The following FBXL13 variants were observed in gnomAD, a reference collection of about 807,000 sequenced individuals.
FBXL13 encodes F-box and leucine-rich repeat protein 13.
Under a neutral mutation model 83.6 loss-of-function variants are expected in FBXL13, and 67 were observed. The observed-to-expected ratio is 0.80, with a 90% CI of 0.66 to 0.98. FBXL13 has a LOEUF of 0.98. Ranked by LOEUF, FBXL13 falls within the 50% of genes least tolerant of loss-of-function variation. FBXL13 has a pLI of 0.00. For synonymous variants in FBXL13, 272 were observed against 299.5 expected, an observed-to-expected ratio of 0.91 and a Z score of 0.95; for missense variants, 822 against 866.5, an observed-to-expected ratio of 0.95 and a Z score of 0.64.
chr7:102,933,986 A>G lies in FBXL13; in HGVS notation c.725-2053T>C, dbSNP rs1350231093. 1 of 1,614,046 alleles carries G rather than the reference A, an allele frequency of 6.2e-7. No individual in the cohort carries two copies. Among genetic ancestry groups the G allele is most frequent in the African/African-American group, 1.3e-5 (1 of 74,936 alleles). Reference sequence around the variant, plus strand: ...TGAGCTGCGCAAAGCAAGCCCAGGCAGTGTGAGAAGCCGAGTGAATCATGG... The same window carrying G: ...TGAGCTGCGCAAAGCAAGCCCAGGCGGTGTGAGAAGCCGAGTGAATCATGG... On this transcript the variant is annotated intron_variant, in intron 8 of 19. Coordinates refer to ENST00000313221, the Ensembl canonical transcript of FBXL13.
At chr7:102,910,542 T>C (rs1814490626) in intron 11 of FBXL13, among the ~76,000 whole-genome samples, 1 of 151,852 alleles carries the variant, frequency 6.6e-6, no homozygotes, top group African/African-American at 2.4e-5. Flanking sequence ...CAACTGTAAA[T>C]AGCCTATGCC....
intron 10 of FBXL13, 39 bp from the exon 12 acceptor site, chr7:102,913,254 C>T: frequency 6.2e-7 from 1 of 1,610,560 alleles, no homozygotes; most frequent in Non-Finnish European, 8.5e-7. Flanking sequence ...TATTATACTT[C>T]CGTTGTTCTC....
chr7:103,049,228 G>C (rs1796577110), intron 2 of FBXL13, among the ~76,000 whole-genome samples: 1 of 152,024 alleles, frequency 6.6e-6, no homozygotes, highest in Non-Finnish European at 1.5e-5. Flanking sequence ...GACTTATTTA[G>C]AATGTAATGT....
At chr7:103,058,558 T>A (rs1797557871) in intron 1 of FBXL13, among the ~76,000 whole-genome samples, 1 of 152,214 alleles carries the variant, frequency 6.6e-6, no homozygotes, top group Non-Finnish European at 1.5e-5. Context: ...TGCCTGGGTC[T>A]CCAGAGTACT....
chr7:102,904,238 T>G (rs1813402608), intron 11 of FBXL13, among the ~76,000 whole-genome samples: 1 of 152,046 alleles, frequency 6.6e-6, no homozygotes, highest in Non-Finnish European at 1.5e-5. Context: ...TGTATGTGTC[T>G]AGGAATTTGT....
chr7:102,899,260 G>C (rs1451471602), intron 11 of FBXL13, among the ~76,000 whole-genome samples: 1 of 152,216 alleles, frequency 6.6e-6, no homozygotes, highest in Non-Finnish European at 1.5e-5. Flanking sequence ...AGAAATTACA[G>C]ACTCAACAGA....
At chr7:102,973,096 G>A (rs2129482478) in intron 6 of FBXL13, 1 of 168,820 alleles carries the variant, frequency 5.9e-6, no homozygotes, top group East Asian at 1.9e-4. Flanking sequence ...GGCACGGAAA[G>A]ACAAATTCTC....
At chr7:103,035,759 A>G (rs138926477) in intron 2 of FBXL13, among the ~76,000 whole-genome samples, 1 of 152,304 alleles carries the variant, frequency 6.6e-6, no homozygotes, top group African/African-American at 2.4e-5. Flanking sequence ...TTGTAATATT[A>G]TTTTTCTTCT....
At chr7:102,998,028 C>T (rs1214758187) in intron 6 of FBXL13, among the ~76,000 whole-genome samples, 1 of 152,176 alleles carries the variant, frequency 6.6e-6, no homozygotes, top group East Asian at 1.9e-4. Context: ...ACATTCCCAC[C>T]AACAGTGTAT....
intron 1 of FBXL13, among the ~76,000 whole-genome samples, chr7:103,062,900 C>T (rs988778101): frequency 6.6e-6 from 1 of 152,198 alleles, no homozygotes; most frequent in African/African-American, 2.4e-5. Context: ...TCAACTAGCA[C>T]GTGGTAGAGA....
intron 10 of FBXL13, among the ~76,000 whole-genome samples, chr7:102,918,622 C>G (rs1816371380): frequency 6.6e-6 from 1 of 152,122 alleles, no homozygotes. Context: ...TTGAGACCAG[C>G]CTGGGGAACA....
At chr7:103,030,642 AAAATAT>A (rs1372377654) in intron 2 of FBXL13, among the ~76,000 whole-genome samples, 1 of 151,736 alleles carries the variant, frequency 6.6e-6, no homozygotes, top group East Asian at 1.9e-4. Context: ...ATATGTCATA[AAAATAT>A]GAGTATATTA....
chr7:102,969,687 A>G (rs1450549726), intron 6 of FBXL13, among the ~76,000 whole-genome samples: 1 of 151,356 alleles, frequency 6.6e-6, no homozygotes, highest in Non-Finnish European at 1.5e-5. Flanking sequence ...AATCCCAGCT[A>G]CTCGGGAGGC....
chr7:103,012,558 G>T (rs1409342047), intron 6 of FBXL13, among the ~76,000 whole-genome samples: 1 of 152,136 alleles, frequency 6.6e-6, no homozygotes, highest in East Asian at 1.9e-4. Flanking sequence ...CAGCCAAGTT[G>T]TTTCCTAAAC....
chr7:102,953,727 G>T (rs934953123), intron 8 of FBXL13, among the ~76,000 whole-genome samples: 1 of 152,150 alleles, frequency 6.6e-6, no homozygotes, highest in Non-Finnish European at 1.5e-5. Flanking sequence ...AGATAAGCAT[G>T]CCTTGCTATT....
At chr7:102,944,751 G>GC in intron 8 of FBXL13, 4 of 720,854 alleles carry the variant, frequency 5.5e-6, no homozygotes, top group South Asian at 2.0e-5. Flanking sequence ...AAGTATTATT[G>GC]TGACTATTAT....
At chr7:102,946,704 T>G (rs1822569826) in intron 8 of FBXL13, among the ~76,000 whole-genome samples, 1 of 151,248 alleles carries the variant, frequency 6.6e-6, no homozygotes, top group Non-Finnish European at 1.5e-5. Context: ...TGAGACAGTC[T>G]CGCTCTGTCA....
intron 18 of FBXL13, among the ~76,000 whole-genome samples, chr7:102,831,859 G>A (rs536821295): frequency 9.2e-5 from 14 of 152,100 alleles, no homozygotes; most frequent in East Asian, 1.9e-4. Context: ...TTCTGGTAGC[G>A]TTTCAAGAGG....
At chr7:102,945,284 A>G (rs1396024388) in intron 8 of FBXL13, among the ~76,000 whole-genome samples, 1 of 152,226 alleles carries the variant, frequency 6.6e-6, no homozygotes, top group Non-Finnish European at 1.5e-5. Context: ...GGTGTGAAGC[A>G]TGAGCCCTGA....
Sources: gnomAD v4.1 joint callset for allele counts (sites outside exome capture counted in the v4.1 genomes callset) on GRCh38, gnomAD v4.1.1 for gene constraint, MANE v1.5 for transcripts, NCBI Gene and HGNC (gene_info 2026-07-23, HGNC 2026-07-21) for gene names.